The following FREM1 variants were observed in gnomAD, a reference collection of about 807,000 sequenced individuals.
The protein encoded by FREM1 is FRAS1-related extracellular matrix protein 1.
FREM1 carries 220 observed loss-of-function variants against 210.1 expected under a neutral mutation model. The observed-to-expected ratio is 1.05, with a 90% confidence interval of 0.94 to 1.17. The LOEUF (loss-of-function observed/expected upper bound fraction) is 1.17, where lower values mean the gene tolerates loss of function less well. FREM1 is among the 50% of genes most tolerant of loss of function. The probability of loss-of-function intolerance (pLI) is 0.00; values close to 1 mark genes in which losing one functional copy is unlikely to be tolerated. For synonymous variants in FREM1, 1,189 were observed against 980.2 expected, an observed-to-expected ratio of 1.21 and a Z score of -3.98; for missense variants, 3,454 against 2,675.5, an observed-to-expected ratio of 1.29 and a Z score of -6.42.
Position 14,756,428 on chromosome 9 carries a change from C to T in FREM1, c.5353G>A (p.Ala1785Thr), listed in dbSNP as rs1429204046. Residue 1785 changes from alanine to threonine, a missense_variant, in exon 29 of 37, where the codon GCA (alanine) becomes ACA (threonine). Coordinates refer to ENST00000380880, the MANE Select transcript of FREM1 (RefSeq NM_001379081.2). The stretch of plus-strand genomic sequence containing the variant: ...ATCACGGTGAAATCTTTTCCAACTG[C>T]AGCTGACACTTGGTTGACCTTAGGA... ...VGIKVNQVSA[A>T]VGKDFTVIPS... The T allele has an allele frequency of 4.4e-6, 7 of 1,599,306 alleles. No individual in the cohort carries two copies. In the South Asian group the frequency reaches 5.7e-5, roughly 13 times the overall value.
chr9:14,746,836 A>C (rs1182960530), intron 34 of FREM1, 87 bp downstream of exon 34: 2 of 1,425,834 alleles, frequency 1.4e-6, no homozygotes, highest in Non-Finnish European at 9.4e-7. Flanking sequence ...GCATGGGTTG[A>C]GTCATGCACC....
intron 3 of FREM1, among the ~76,000 whole-genome samples, chr9:14,860,586 T>TATATATACAC (rs1829704356): frequency 2.7e-4 from 24 of 87,796 alleles, no homozygotes; most frequent in Admixed American, 1.4e-3. Context: ...TATATACACA[T>TATATATACAC]ATATATACAT....
At chr9:14,876,511 C>T (rs774876486) in intron 1 of FREM1, among the ~76,000 whole-genome samples, 2 of 152,178 alleles carry the variant, frequency 1.3e-5, no homozygotes, top group East Asian at 1.9e-4. Context: ...CCTGGTGCGC[C>T]ATGTTTTAAG....
chr9:14,897,758 T>C (rs1177891327), intron 1 of FREM1, among the ~76,000 whole-genome samples: 2 of 152,068 alleles, frequency 1.3e-5, no homozygotes, highest in Non-Finnish European at 2.9e-5. Context: ...GCCTGACTAA[T>C]TTAAAAAAAT....
chr9:14,858,293 C>T (rs959879664), intron 4 of FREM1, among the ~76,000 whole-genome samples: 3 of 152,126 alleles, frequency 2.0e-5, no homozygotes, highest in African/African-American at 7.2e-5. Context: ...ATTGTCTCTC[C>T]AACAGTCTTC....
intron 28 of FREM1, among the ~76,000 whole-genome samples, chr9:14,758,921 C>T (rs754775120): frequency 1.3e-5 from 2 of 152,108 alleles, no homozygotes; most frequent in African/African-American, 4.8e-5. Flanking sequence ...AGTATATGCT[C>T]TCCTAATTTT....
At chr9:14,854,637 C>A (rs1828389456) in intron 5 of FREM1, among the ~76,000 whole-genome samples, 1 of 151,940 alleles carries the variant, frequency 6.6e-6, no homozygotes, top group Non-Finnish European at 1.5e-5. Flanking sequence ...ACAAAATTAT[C>A]ATCACTAGTG....
chr9:14,875,643 G>C (rs1833571111), intron 1 of FREM1, among the ~76,000 whole-genome samples: 1 of 152,154 alleles, frequency 6.6e-6, no homozygotes, highest in African/African-American at 2.4e-5. Context: ...GCTCTAAGTA[G>C]TTTGATCGTC....
At chr9:14,842,260 G>A in intron 9 of FREM1, 56 bp downstream of exon 9, 1 of 1,099,808 alleles carries the variant, frequency 9.1e-7, no homozygotes, top group Non-Finnish European at 1.3e-6. Context: ...ATGCATAGAA[G>A]GTTCTCTATG....
chr9:14,816,751 A>G, intron 15 of FREM1, 27 bp downstream of exon 15: 1 of 1,262,792 alleles, frequency 7.9e-7, no homozygotes, highest in Non-Finnish European at 1.0e-6. Context: ...CTAAGACAAT[A>G]ACCCAGGGAA....
rs1462069189 is a variant in FREM1 at position 14,746,997 on chromosome 9, G to A, written c.6064C>T (p.His2022Tyr). The change falls in exon 34 of 37, where the codon CAT becomes TAT. Residue 2022 changes from histidine to tyrosine, a missense_variant. By Grantham distance (83) the His-to-Tyr change is moderately conservative. Coordinates refer to ENST00000380880, the MANE Select transcript of FREM1 (RefSeq NM_001379081.2). ...AGCTTCTGGATGCCTTCTTCAAAATGGAAGAGTCCCTTTAATTCCAGAGTG... is the reference window on the plus strand; with the variant it reads ...AGCTTCTGGATGCCTTCTTCAAAATAGAAGAGTCCCTTTAATTCCAGAGTG... Reference protein sequence around the residue: ...NCTLELKGLFHFEEGIQKLYQ... With the variant: ...NCTLELKGLFYFEEGIQKLYQ... 25 of 1,613,162 alleles carry A rather than the reference G, an allele frequency of 1.5e-5. No homozygotes were observed. The highest frequency in any genetic ancestry group is 2.1e-5 in the Non-Finnish European group (25 of 1,179,550).
intron 2 of FREM1, among the ~76,000 whole-genome samples, chr9:14,864,737 G>A (rs1831201901): frequency 6.6e-6 from 1 of 152,156 alleles, no homozygotes; most frequent in Non-Finnish European, 1.5e-5. Flanking sequence ...ATGCACGCAT[G>A]TCCACCATTG....
rs747559165 is a variant in FREM1 at position 14,792,706 on chromosome 9, C to A, written c.3981+37G>T. ...ATATTGAGAAGATTTATACCTGCTA[C>A]GTTAGTTTTGAAAAATAAAAGTAAG... On this transcript the variant is annotated intron_variant, in intron 22 of 36. Coordinates refer to ENST00000380880, the MANE Select transcript of FREM1 (RefSeq NM_001379081.2). The A allele has an allele frequency of 9.9e-6, 15 of 1,512,954 alleles. No homozygotes were observed. In the East Asian group the frequency reaches 3.2e-4, roughly 32 times the overall value. The allele number at this position is 1,512,954 out of a possible 1,614,324, so 93.7% of individuals were successfully genotyped here.
rs1829051193 is a variant in FREM1 at position 14,857,741 on chromosome 9, C to T, written c.640G>A (p.Ala214Thr). The T allele has an allele frequency of 6.2e-7, 1 of 1,600,228 alleles. No homozygotes were observed. Among genetic ancestry groups the T allele is most frequent in the Non-Finnish European group, 8.5e-7 (1 of 1,173,374 alleles). Reference protein sequence around the residue: ...HSFFPESQLRAKLKCPGGSCT... With the variant: ...HSFFPESQLRTKLKCPGGSCT... ...CTCCCACCTGGACACTTCAGTTTTGCTCTCAGTTCTAGAATGTACAGCACT... is the reference window on the plus strand; with the variant it reads ...CTCCCACCTGGACACTTCAGTTTTGTTCTCAGTTCTAGAATGTACAGCACT... The change falls in exon 5 of 37, where the codon GCA (alanine) becomes ACA (threonine). Residue 214 changes from alanine (A) to threonine (T), a missense_variant. By Grantham distance (58) the Ala-to-Thr change is moderately conservative. Transcript: ENST00000380880.
chr9:14,873,879 G>GT (rs1564140903), intron 1 of FREM1, among the ~76,000 whole-genome samples: 1 of 152,018 alleles, frequency 6.6e-6, no homozygotes, highest in African/African-American at 2.4e-5. Flanking sequence ...CTTTGTTCTC[G>GT]TTGGTTTCAA....
intron 27 of FREM1, among the ~76,000 whole-genome samples, chr9:14,763,786 T>C (rs565844929): frequency 4.3e-4 from 65 of 152,340 alleles, no homozygotes; most frequent in African/African-American, 1.3e-3. Flanking sequence ...ACAGCAAGCA[T>C]GCTATCACAT....
At chr9:14,769,666 T>C in intron 27 of FREM1, 58 bp downstream of exon 27, 8 of 1,527,950 alleles carry the variant, frequency 5.2e-6, no homozygotes, top group Admixed American at 2.1e-5. Context: ...ACTTTCCTAA[T>C]ATTCAGATAC....
chr9:14,819,016 T>C (rs140494316), intron 14 of FREM1, among the ~76,000 whole-genome samples: 29 of 152,286 alleles, frequency 1.9e-4, no homozygotes, highest in African/African-American at 7.0e-4. Flanking sequence ...ATCCATAAAG[T>C]TATTTCCACT....
chr9:14,868,640 G>A, intron 2 of FREM1, 104 bp downstream of exon 2: 1 of 732,872 alleles, frequency 1.4e-6, no homozygotes, highest in Middle Eastern at 2.3e-4. Context: ...CGTCTTTGAT[G>A]GCTTGAGGGG....
Sources: allele counts gnomAD v4.1 joint callset (sites outside exome capture counted in the v4.1 genomes callset), GRCh38; gene constraint gnomAD v4.1.1; transcripts MANE v1.5; gene names NCBI Gene and HGNC (gene_info 2026-07-23, HGNC 2026-07-21).